Variants in SLC39A11 observed in about 807,000 individuals in gnomAD.
SLC39A11 encodes solute carrier family 39 member 11, also known as zinc transporter ZIP11.
In SLC39A11, 33 loss-of-function variants were observed where a neutral mutation model predicts 36.1. The observed-to-expected ratio is 0.91, with a 90% confidence interval of 0.69 to 1.22. The LOEUF (loss-of-function observed/expected upper bound fraction) is 1.22, where lower values mean the gene tolerates loss of function less well. SLC39A11 is among the 50% of genes most tolerant of loss of function. The probability of loss-of-function intolerance (pLI) is 0.00; values close to 1 mark genes in which losing one functional copy is unlikely to be tolerated. For synonymous variants in SLC39A11, 166 were observed against 170.3 expected (o/e 0.97, Z 0.20); for missense variants, 432 against 430.3 (o/e 1.00, Z -0.03).
chr17:72,974,152 G>A (rs1041748636), intron 4 of SLC39A11, among the ~76,000 whole-genome samples: 10 of 152,130 alleles, frequency 6.6e-5, no homozygotes, highest in African/African-American at 2.2e-4. Context: ...CCAGGCTGGA[G>A]TGCAGTGGCG....
intron 9 of SLC39A11, 45 bp from the exon 10 acceptor site, chr17:72,647,707 T>C (rs774581568): frequency 6.5e-7 from 1 of 1,536,036 alleles, no homozygotes. Flanking sequence ...TAATGATCCC[T>C]GAGGCCACGG....
intron 7 of SLC39A11, among the ~76,000 whole-genome samples, chr17:72,710,382 G>A (rs2073064684): frequency 6.6e-6 from 1 of 152,210 alleles, no homozygotes; most frequent in African/African-American, 2.4e-5. Flanking sequence ...ACCCAGTGCA[G>A]TAGTATTAAG....
chr17:72,993,557 T>A (rs565129954), intron 4 of SLC39A11, among the ~76,000 whole-genome samples: 1 of 152,316 alleles, frequency 6.6e-6, no homozygotes, highest in East Asian at 1.9e-4. Flanking sequence ...TTGGAGGCGA[T>A]TCCACTGGAT....
intron 7 of SLC39A11, among the ~76,000 whole-genome samples, chr17:72,736,323 G>C (rs976447357): frequency 6.6e-6 from 1 of 152,194 alleles, no homozygotes; most frequent in African/African-American, 2.4e-5. Context: ...AAAAGGAAAG[G>C]CCTGAAGAGT....
chr17:72,684,027 T>C lies in SLC39A11; in HGVS notation c.672-34759A>G, dbSNP rs1346363755. ...GGGCTATTCAAGTGCTTAGAAGATT[T>C]TGCAATCAAACTTTCAAGGGTAAAT... On this transcript the variant is annotated intron_variant, in intron 7 of 9. Transcript: ENST00000255559. 4.6e-5 allele frequency among the ~76,000 whole-genome samples: 7 copies of C among 152,292 alleles called. No homozygotes were observed. In the East Asian group the frequency reaches 1.2e-3, roughly 25 times the overall value.
chr17:72,662,975 T>C (rs923516818), intron 7 of SLC39A11, among the ~76,000 whole-genome samples: 3 of 152,352 alleles, frequency 2.0e-5, no homozygotes, highest in African/African-American at 4.8e-5. Flanking sequence ...TTGTGTTCTA[T>C]TCACACAATG....
At chr17:73,016,207 G>A (rs2058159370) in intron 4 of SLC39A11, among the ~76,000 whole-genome samples, 1 of 152,080 alleles carries the variant, frequency 6.6e-6, no homozygotes, top group South Asian at 2.1e-4. Flanking sequence ...ACTATATCAT[G>A]TTTCTTAAAG....
At chr17:72,913,181 G>A (rs963308189) in intron 5 of SLC39A11, among the ~76,000 whole-genome samples, 4 of 147,124 alleles carry the variant, frequency 2.7e-5, no homozygotes, top group African/African-American at 5.0e-5. Flanking sequence ...AAATTGGAGG[G>A]TGTAGGGGCA....
intron 6 of SLC39A11, among the ~76,000 whole-genome samples, chr17:72,760,152 G>A (rs749276054): frequency 1.5e-4 from 23 of 152,206 alleles, no homozygotes; most frequent in African/African-American, 5.1e-4. Context: ...TCAGCCTCCC[G>A]AGTAGCTGGG....
intron 6 of SLC39A11, among the ~76,000 whole-genome samples, chr17:72,792,038 T>G (rs936879386): frequency 2.6e-5 from 4 of 152,228 alleles, no homozygotes; most frequent in Non-Finnish European, 4.4e-5. Context: ...CACAGAGGGT[T>G]AGGTCATTTT....
chr17:72,802,596 AAAAAAAAAAGAAAAG>A (rs2145251691), intron 6 of SLC39A11, among the ~76,000 whole-genome samples: 1 of 151,754 alleles, frequency 6.6e-6, no homozygotes, highest in African/African-American at 2.4e-5. Context: ...ATCTCAAAAA[AAAAAAAAAAGAAAAG>A]AAAAGAAAAG....
chr17:72,923,125 T>G (rs563568002), intron 5 of SLC39A11, among the ~76,000 whole-genome samples: 1 of 152,246 alleles, frequency 6.6e-6, no homozygotes, highest in Non-Finnish European at 1.5e-5. Flanking sequence ...AGCCTAGTGG[T>G]AGATTGTAAT....
At chr17:72,920,229 A>G (rs1022145141) in intron 5 of SLC39A11, among the ~76,000 whole-genome samples, 1 of 152,022 alleles carries the variant, frequency 6.6e-6, no homozygotes, top group African/African-American at 2.4e-5. Flanking sequence ...AGCCAGGGTG[A>G]TCCTCTTTAA....
At chr17:72,964,926 A>G (rs1250275715) in intron 4 of SLC39A11, among the ~76,000 whole-genome samples, 5 of 152,236 alleles carry the variant, frequency 3.3e-5, no homozygotes, top group Admixed American at 6.5e-5. Flanking sequence ...GCAGCCATAA[A>G]AAAGGATGAG....
At chr17:72,845,544 C>T (rs1265386603) in intron 6 of SLC39A11, among the ~76,000 whole-genome samples, 4 of 152,320 alleles carry the variant, frequency 2.6e-5, no homozygotes, top group East Asian at 3.9e-4. Flanking sequence ...AACACTCTAC[C>T]GTCTCCTCTG....
intron 6 of SLC39A11, among the ~76,000 whole-genome samples, chr17:72,823,166 G>A (rs16977402): frequency 0.028 from 4,205 of 151,316 alleles, 208 homozygotes; most frequent in African/African-American, 0.092. Context: ...AATACCGTGA[G>A]AACTCTCTCT....
intron 6 of SLC39A11, among the ~76,000 whole-genome samples, chr17:72,772,048 A>C (rs1338380190): frequency 6.6e-6 from 1 of 151,152 alleles, no homozygotes. Context: ...AAATCCAGAC[A>C]CTCCTCATTC....
chr17:72,721,734 A>G (rs577317276), intron 7 of SLC39A11, among the ~76,000 whole-genome samples: 1 of 152,140 alleles, frequency 6.6e-6, no homozygotes, highest in African/African-American at 2.4e-5. Flanking sequence ...CTTTGGGAGG[A>G]CGAGGCAGGC....
At chr17:72,795,642 TA>T (rs1163001183) in intron 6 of SLC39A11, among the ~76,000 whole-genome samples, 1 of 152,108 alleles carries the variant, frequency 6.6e-6, no homozygotes, top group Non-Finnish European at 1.5e-5. Context: ...GGGATGATAT[TA>T]ACAGATTTCT....
Sources: gnomAD v4.1 joint callset for allele counts (sites outside exome capture counted in the v4.1 genomes callset) on GRCh38, gnomAD v4.1.1 for gene constraint, MANE v1.5 for transcripts, NCBI Gene and HGNC (gene_info 2026-07-23, HGNC 2026-07-21) for gene names.